Variants in GPR139 observed in about 807,000 individuals in gnomAD.
GPR139 encodes the protein G protein-coupled receptor 139, also known as probable G protein-coupled receptor 139.
In GPR139, 12 loss-of-function variants were observed where a neutral mutation model predicts 25.8. The observed-to-expected ratio is 0.47, with a 90% CI of 0.30 to 0.75. The LOEUF (loss-of-function observed/expected upper bound fraction) is 0.75, where lower values mean the gene tolerates loss of function less well. Ranked by LOEUF, GPR139 falls within the 30% of genes least tolerant of loss-of-function variation. The pLI is 0.07. For missense variants in GPR139, 380 were observed against 450.2 expected (o/e 0.84, Z 1.41); for synonymous variants, 184 against 179.9 (o/e 1.02, Z -0.18).
At chr16:20,053,355 C>T (rs904311100) in intron 1 of GPR139, among the ~76,000 whole-genome samples, 2 of 152,104 alleles carry the variant, frequency 1.3e-5, no homozygotes, top group Non-Finnish European at 2.9e-5. Flanking sequence ...TCCTAGCTGC[C>T]CCAGGAGGAA....
At position 20,032,019 on chromosome 16, in the gene GPR139, G is replaced by A. The variant is rs747556372; in HGVS notation, c.778C>T (p.Arg260Cys). ...YHLYGAPIQN[R>C]WLVHIMSDIA... ...TCGGACATGATGTGTACCAGCCAGC[G>A]GTTCTGGATGGGCGCCCCATAGAGG... The change falls in exon 2 of 2, where the codon CGC becomes TGC. Residue 260 changes from arginine (R) to cysteine (C), a missense_variant. Transcript: ENST00000570682. 2.4e-5 allele frequency: 39 copies of A among 1,614,202 alleles called. No individual in the cohort carries two copies. The highest frequency in any genetic ancestry group is 3.3e-5 in the Non-Finnish European group (39 of 1,180,040).
intron 1 of GPR139, among the ~76,000 whole-genome samples, chr16:20,057,473 A>G (rs2057393628): frequency 6.6e-6 from 1 of 152,056 alleles, no homozygotes; most frequent in Admixed American, 6.5e-5. Flanking sequence ...GATTACATTT[A>G]TGGGATTAAG....
intron 1 of GPR139, among the ~76,000 whole-genome samples, chr16:20,043,679 G>GTAAGC (rs774151561): frequency 2.7e-4 from 41 of 152,176 alleles, no homozygotes; most frequent in Admixed American, 7.2e-4. Context: ...GCTGAAGATG[G>GTAAGC]CACAGCTGGT....
At chr16:20,064,094 G>T (rs991179295) in intron 1 of GPR139, among the ~76,000 whole-genome samples, 2 of 152,138 alleles carry the variant, frequency 1.3e-5, no homozygotes, top group African/African-American at 4.8e-5. Flanking sequence ...AAAAGATTAA[G>T]CAACCCTTAA....
At chr16:20,051,309 G>A (rs867801457) in intron 1 of GPR139, among the ~76,000 whole-genome samples, 9 of 152,266 alleles carry the variant, frequency 5.9e-5, no homozygotes, top group East Asian at 1.9e-4. Context: ...CCTCCTCCGC[G>A]TCTTGGGTTA....
intron 1 of GPR139, among the ~76,000 whole-genome samples, chr16:20,051,723 G>A (rs1596468325): frequency 6.6e-6 from 1 of 152,226 alleles, no homozygotes; most frequent in African/African-American, 2.4e-5. Flanking sequence ...GAGGCACAGA[G>A]AAAGCGGCTT....
intron 1 of GPR139, among the ~76,000 whole-genome samples, chr16:20,067,473 A>G (rs962526490): frequency 6.6e-6 from 1 of 152,226 alleles, no homozygotes; most frequent in Admixed American, 6.5e-5. Flanking sequence ...CATGCAGTAT[A>G]CAAAGGTCAA....
At chr16:20,059,992 T>TGTG (rs1406459372) in intron 1 of GPR139, among the ~76,000 whole-genome samples, 1 of 151,894 alleles carries the variant, frequency 6.6e-6, no homozygotes, top group Non-Finnish European at 1.5e-5. Flanking sequence ...GGGTCAGGAG[T>TGTG]GTGGGTCCCT....
chr16:20,032,043 G>A lies in GPR139; in HGVS notation c.754C>T (p.Leu252Phe). The change falls in exon 2 of 2, where the codon CTC becomes TTC. Residue 252 changes from leucine (L) to phenylalanine (F), a missense_variant. Leu to Phe is a conservative substitution (Grantham distance 22, BLOSUM62 0). Coordinates refer to ENST00000570682, the MANE Select transcript of GPR139 (RefSeq NM_001002911.4). The part of the protein sequence containing the change: ...APRIIMILYH[L>F]YGAPIQNRWL... ...CGGTTCTGGATGGGCGCCCCATAGA[G>A]GTGGTAAAGAATCATGATGATGCGG... The A allele has an allele frequency of 6.2e-7, 1 of 1,614,230 alleles. No homozygotes were observed. Among genetic ancestry groups the A allele is most frequent in the Non-Finnish European group, 8.5e-7 (1 of 1,180,038 alleles).
rs1567235838 is a variant in GPR139 at position 20,041,120 on chromosome 16, GGAAAGGAA to G, written c.128-8459_128-8452del. On this transcript the variant is annotated intron_variant, in intron 1 of 1. Coordinates refer to ENST00000570682, the MANE Select transcript of GPR139 (RefSeq NM_001002911.4). ...GTGAGACTCTGACCCAGAAAGGAAA[GGAAAGGAA>G]AGGAGAGGAGAGGAGAGGAGACGAG... is the stretch of plus-strand genomic sequence containing the variant. Among the ~76,000 whole-genome samples the G allele has an allele frequency of 7.2e-3, 29 of 4,008 alleles. 7 individuals carry two copies. Among genetic ancestry groups the G allele is most frequent in the African/African-American group, 0.042 (18 of 430 alleles). The allele number at this position is 4,008 out of a possible 152,430, so 2.6% of individuals were successfully genotyped here.
intron 1 of GPR139, among the ~76,000 whole-genome samples, chr16:20,038,369 G>GTGTGTGTA (rs4028367): frequency 0.19 from 25,383 of 132,690 alleles, 2,647 homozygotes; most frequent in Non-Finnish European, 0.2. Context: ...GTGTGTGTGT[G>GTGTGTGTA]TATTCTATAG....
chr16:20,068,533 A>G (rs1460009500), intron 1 of GPR139, among the ~76,000 whole-genome samples: 1 of 152,114 alleles, frequency 6.6e-6, no homozygotes, highest in African/African-American at 2.4e-5. Context: ...GTGATTTTCT[A>G]GGAAGGCCAT....
chr16:20,038,005 C>T (rs1291640861), intron 1 of GPR139, among the ~76,000 whole-genome samples: 2 of 148,706 alleles, frequency 1.3e-5, no homozygotes, highest in South Asian at 2.2e-4. Flanking sequence ...GGATTAGAGG[C>T]ACGTGCCACC....
At chr16:20,056,400 A>G (rs2057388578) in intron 1 of GPR139, among the ~76,000 whole-genome samples, 2 of 152,222 alleles carry the variant, frequency 1.3e-5, no homozygotes, top group Non-Finnish European at 2.9e-5. Context: ...CGAAAGAACA[A>G]TGGAAGGTCC....
At chr16:20,049,967 G>A (rs544181369) in intron 1 of GPR139, among the ~76,000 whole-genome samples, 2 of 152,268 alleles carry the variant, frequency 1.3e-5, no homozygotes, top group South Asian at 4.1e-4. Flanking sequence ...AGCTTCCTTC[G>A]CTTTCTTTCC....
chr16:20,057,542 A>G (rs1265648867), intron 1 of GPR139, among the ~76,000 whole-genome samples: 1 of 151,140 alleles, frequency 6.6e-6, no homozygotes, highest in Non-Finnish European at 1.5e-5. Flanking sequence ...CCGTCCATCC[A>G]TCCATCCCTT....
intron 1 of GPR139, 98 bp from the exon 2 acceptor site, chr16:20,032,767 G>T (rs2057295727): frequency 2.5e-6 from 2 of 789,480 alleles, no homozygotes; most frequent in Non-Finnish European, 4.1e-6. Context: ...CACTCCCATG[G>T]AAGTGAAAAT....
At chr16:20,056,720 T>C (rs2057389476) in intron 1 of GPR139, among the ~76,000 whole-genome samples, 2 of 152,230 alleles carry the variant, frequency 1.3e-5, no homozygotes, top group South Asian at 4.1e-4. Flanking sequence ...AGGTGGTCAA[T>C]AAACATTCAC....
intron 1 of GPR139, among the ~76,000 whole-genome samples, chr16:20,052,072 G>A (rs1008213507): frequency 1.3e-5 from 2 of 152,086 alleles, no homozygotes; most frequent in Admixed American, 6.6e-5. Context: ...ACCATATGTG[G>A]GCTGAAAGAA....
Sources: gnomAD v4.1 joint callset for allele counts (sites outside exome capture counted in the v4.1 genomes callset) on GRCh38, gnomAD v4.1.1 for gene constraint, MANE v1.5 for transcripts, NCBI Gene and HGNC (gene_info 2026-07-23, HGNC 2026-07-21) for gene names.